Variants in UGT3A1 observed in about 807,000 individuals in gnomAD.
UGT3A1 encodes UDP glycosyltransferase family 3 member A1.
In UGT3A1, 40 loss-of-function variants were observed where a neutral mutation model predicts 37.6. The ratio of observed to expected loss-of-function variants is 1.06; its 90% CI spans 0.83 to 1.38. The LOEUF is 1.38. Ranked by LOEUF, UGT3A1 falls within the 40% of genes most tolerant of loss-of-function variation. UGT3A1 has a pLI of 0.00. For synonymous variants in UGT3A1, 256 were observed against 232.3 expected, an observed-to-expected ratio of 1.10 and a Z score of -0.93; for missense variants, 642 against 634.2, an observed-to-expected ratio of 1.01 and a Z score of -0.13.
chr5:35,954,089 G>A lies in UGT3A1; in HGVS notation c.*113C>T, dbSNP rs77931459. 0.27 allele frequency: 318,085 copies of A among 1,162,494 alleles called. 45,347 individuals are homozygous for A. Among genetic ancestry groups the A allele is most frequent in the Middle Eastern group, 0.35 (1,180 of 3,402 alleles). The allele number at this position is 1,162,494 out of a possible 1,614,324, so 72.0% of individuals were successfully genotyped here. A position where few individuals can be genotyped will look rare whatever the true frequency, so the allele number is the denominator to read the frequency against. On this transcript the variant is annotated 3_prime_UTR_variant, in exon 7 of 7. Transcript: ENST00000274278. The stretch of plus-strand genomic sequence containing the variant: ...AGAGAATAGAAAGAAGCAAGTTGCA[G>A]GATCAGTGGCAGGTGGAGCTGAAGA...
At chr5:35,975,274 G>A (rs1397461899) in intron 2 of UGT3A1, among the ~76,000 whole-genome samples, 1 of 152,192 alleles carries the variant, frequency 6.6e-6, no homozygotes, top group Non-Finnish European at 1.5e-5. Context: ...TGCCACTGCA[G>A]AGTACTCAGT....
intron 2 of UGT3A1, among the ~76,000 whole-genome samples, chr5:35,984,616 G>A (rs1740658125): frequency 6.6e-6 from 1 of 151,672 alleles, no homozygotes; most frequent in South Asian, 2.1e-4. Context: ...GGGAATACAA[G>A]CATGTGCCAT....
chr5:35,998,958 C>T (rs1741157573), intron 1 of UGT3A1, among the ~76,000 whole-genome samples: 1 of 152,020 alleles, frequency 6.6e-6, no homozygotes, highest in African/African-American at 2.4e-5. Context: ...TACAATAGGC[C>T]GAGCGCGGTG....
Position 35,965,558 on chromosome 5 carries a change from G to C in UGT3A1, c.671C>G (p.Thr224Ser). ...GCCTTCTGGGAAATGCTCCTTGATGGTGTTGTCAAATGTAGACTGCATGTC... is the reference window on the plus strand; with the variant it reads ...GCCTTCTGGGAAATGCTCCTTGATGCTGTTGTCAAATGTAGACTGCATGTC... Reference protein sequence around the residue: ...QWDMQSTFDNTIKEHFPEGSR... With the variant: ...QWDMQSTFDNSIKEHFPEGSR... The change falls in exon 4 of 7, where the codon ACC becomes AGC. Residue 224 changes from threonine (T) to serine (S), a missense_variant. Transcript: ENST00000274278. 1.2e-6 allele frequency: 2 copies of C among 1,614,178 alleles called. No homozygotes were observed. Among genetic ancestry groups the C allele is most frequent in the Non-Finnish European group, 1.7e-6 (2 of 1,180,018 alleles).
chr5:35,972,871 C>G lies in UGT3A1; in HGVS notation c.197-4738G>C, dbSNP rs534674545. Among the ~76,000 whole-genome samples, 27 of 132,758 alleles carry G rather than the reference C, an allele frequency of 2.0e-4. No individual in the cohort carries two copies. The South Asian group carries it at 6.3e-3, about 31-fold the overall frequency. The allele number at this position is 132,758 out of a possible 152,430, so 87.1% of individuals were successfully genotyped here. A position where few individuals can be genotyped will look rare whatever the true frequency, so the allele number is the denominator to read the frequency against. ...TGTCTCCACATTAATGACCTGAAAG[C>G]TTCTTTGTCTGCCCTGAAAAAAAAA... On this transcript the variant is annotated intron_variant, in intron 2 of 6. Transcript: ENST00000274278.
chr5:35,968,182 G>T, intron 2 of UGT3A1, 49 bp from the exon 3 acceptor site: 1 of 1,096,630 alleles, frequency 9.1e-7, no homozygotes, highest in Non-Finnish European at 1.4e-6. Flanking sequence ...ATACAACATG[G>T]ATTAACATTA....
chr5:35,965,981 T>A (rs1382992317), intron 3 of UGT3A1, 64 bp from the exon 4 acceptor site: 4 of 1,256,412 alleles, frequency 3.2e-6, no homozygotes, highest in South Asian at 1.7e-5. Context: ...TTTGGGAGAA[T>A]GTTAGACTCA....
At chr5:35,995,450 TAGTTAAA>T (rs1741073281), upstream of UGT3A1, among the ~76,000 whole-genome samples, 1 of 152,210 alleles carries the variant, frequency 6.6e-6, no homozygotes, top group Non-Finnish European at 1.5e-5. Context: ...TTACGAGGCA[TAGTTAAA>T]GAATTTCCTG....
At chr5:35,969,297 G>T (rs1057451699) in intron 2 of UGT3A1, among the ~76,000 whole-genome samples, 19 of 152,236 alleles carry the variant, frequency 1.2e-4, no homozygotes, top group Non-Finnish European at 1.5e-4. Context: ...TGCTCCAGAT[G>T]AACAGAATTA....
rs1173883411 is a variant in UGT3A1, at chr5:35,952,579, G to C, written c.*1623C>G. ...AGAGAAAGGCTATGTTCTGGGGTGA[G>C]GGGGGAGTTACTGGCCAGGGAGGCT... is the stretch of plus-strand genomic sequence containing the variant. On this transcript the variant is annotated 3_prime_UTR_variant, in exon 7 of 7. Transcript: ENST00000274278. 1 of 152,190 alleles carries C rather than the reference G, an allele frequency of 6.6e-6. No homozygotes were observed. Among genetic ancestry groups the C allele is most frequent in the Non-Finnish European group, 1.5e-5 (1 of 68,068 alleles). The allele number at this position is 152,190 out of a possible 1,614,324, so 9.4% of individuals were successfully genotyped here.
At chr5:35,955,409 T>C (rs898829490) in intron 6 of UGT3A1, 1 of 603,956 alleles carries the variant, frequency 1.7e-6, no homozygotes, top group East Asian at 2.7e-5. Flanking sequence ...AGAGATCATG[T>C]GTATATAATT....
intron 2 of UGT3A1, among the ~76,000 whole-genome samples, chr5:35,980,302 C>T (rs571418918): frequency 6.6e-6 from 1 of 152,140 alleles, no homozygotes; most frequent in Non-Finnish European, 1.5e-5. Context: ...ATACTGGACA[C>T]CAGTCAGTGC....
At chr5:35,983,009 C>T (rs1451422754) in intron 2 of UGT3A1, among the ~76,000 whole-genome samples, 1 of 152,210 alleles carries the variant, frequency 6.6e-6, no homozygotes, top group Non-Finnish European at 1.5e-5. Context: ...CCTTCACCTT[C>T]TGCCACAATT....
chr5:35,952,197 G>A lies in UGT3A1; in HGVS notation c.*2005C>T, dbSNP rs927278820. On this transcript the variant is annotated 3_prime_UTR_variant, in exon 7 of 7. Coordinates refer to ENST00000274278, the MANE Select transcript of UGT3A1 (RefSeq NM_152404.4). ...CAAGAATAGGATGGTATTTCTGAGA[G>A]AAGGAAGGGCATAGACAAACCTCAG... The A allele has an allele frequency of 6.6e-6, 1 of 152,212 alleles. No homozygotes were observed. The highest frequency in any genetic ancestry group is 2.4e-5 in the African/African-American group (1 of 41,454). The allele number at this position is 152,212 out of a possible 1,614,324, so 9.4% of individuals were successfully genotyped here. A position where few individuals can be genotyped will look rare whatever the true frequency, so the allele number is the denominator to read the frequency against.
At chr5:35,961,522 C>A (rs1414314155) in intron 4 of UGT3A1, 1 of 152,094 alleles carries the variant, frequency 6.6e-6, no homozygotes, top group African/African-American at 2.4e-5. Flanking sequence ...GCTGTTTCAC[C>A]CTGGTGAAAG....
At chr5:35,996,770 A>G (rs887811129) in intron 2 of UGT3A1, among the ~76,000 whole-genome samples, 1 of 152,242 alleles carries the variant, frequency 6.6e-6, no homozygotes, top group African/African-American at 2.4e-5. Flanking sequence ...AGGAAAGTGA[A>G]GTGGAGCAGA....
At chr5:35,983,860 TA>T (rs368512914) in intron 2 of UGT3A1, among the ~76,000 whole-genome samples, 1,733 of 151,108 alleles carry the variant, frequency 0.011, 40 homozygotes, top group African/African-American at 0.039. Context: ...TTTTATGATT[TA>T]AAAAAAAACC....
intron 2 of UGT3A1, among the ~76,000 whole-genome samples, chr5:35,984,079 A>G (rs1325708789): frequency 1.3e-5 from 2 of 152,210 alleles, no homozygotes; most frequent in Non-Finnish European, 2.9e-5. Context: ...AAATAAATAA[A>G]GACATCCAAA....
Position 35,968,067 on chromosome 5 carries a change from C to A in UGT3A1, c.263G>T (p.Arg88Ile), listed in dbSNP as rs1266926430. The change falls in exon 3 of 7, where the codon AGA (arginine) becomes ATA (isoleucine). Residue 88 changes from arginine to isoleucine, a missense_variant. Coordinates refer to ENST00000274278, the MANE Select transcript of UGT3A1 (RefSeq NM_152404.4). ...GTAGCTATCAAAATGCTTCTTAATTCTTTTTTGATGATCTTCAGGTGAAAA... is the reference window on the plus strand; with the variant it reads ...GTAGCTATCAAAATGCTTCTTAATTATTTTTTGATGATCTTCAGGTGAAAA... Reference protein sequence around the residue: ...RWFSPEDHQKRIKKHFDSYIE... With the variant: ...RWFSPEDHQKIIKKHFDSYIE... 3.1e-6 allele frequency: 5 copies of A among 1,612,894 alleles called. No homozygotes were observed. In the African/African-American group the frequency reaches 4.0e-5, roughly 13 times the overall value.
Sources: gnomAD v4.1 joint callset for allele counts (sites outside exome capture counted in the v4.1 genomes callset) on GRCh38, gnomAD v4.1.1 for gene constraint, MANE v1.5 for transcripts, NCBI Gene and HGNC (gene_info 2026-07-23, HGNC 2026-07-21) for gene names.